The following NNT variants were observed in gnomAD, a reference collection of about 807,000 sequenced individuals.
NNT encodes the protein nicotinamide nucleotide transhydrogenase, also known as NAD(P) transhydrogenase, mitochondrial.
Under a neutral mutation model 104.8 loss-of-function variants are expected in NNT, and 50 were observed. The observed-to-expected ratio is 0.48, with a 90% confidence interval of 0.38 to 0.60. The LOEUF is 0.60. Among genes scored for constraint, NNT ranks in the 20% least tolerant of loss-of-function variants. The probability of loss-of-function intolerance (pLI) is 0.00; values close to 1 mark genes in which losing one functional copy is unlikely to be tolerated. For synonymous variants in NNT, 461 were observed against 490.4 expected (o/e 0.94, Z 0.79); for missense variants, 1,131 against 1,330.7 (o/e 0.85, Z 2.33).
At chr5:43,657,839 A>G (rs531192537) in intron 16 of NNT, among the ~76,000 whole-genome samples, 1 of 152,346 alleles carries the variant, frequency 6.6e-6, no homozygotes, top group African/African-American at 2.4e-5. Flanking sequence ...TCAAAATAAA[A>G]GATATACAAA....
intron 1 of NNT, among the ~76,000 whole-genome samples, chr5:43,606,278 T>C (rs1446620703): frequency 2.0e-5 from 3 of 151,890 alleles, no homozygotes; most frequent in African/African-American, 4.8e-5. Flanking sequence ...GGGATAGGAG[T>C]AGGTCACTCA....
At position 43,705,217 on chromosome 5, in the gene NNT, A is replaced by C. The variant is rs1488452961; in HGVS notation, c.*813A>C. ...AATTCAACATTTGACTAATAAAATG[A>C]GTTCATCATGTTGGCAAGTGATGTG... On this transcript the variant is annotated 3_prime_UTR_variant, in exon 22 of 22. Transcript: ENST00000344920. 4 of 152,204 alleles carry C rather than the reference A, an allele frequency of 2.6e-5. No individual in the cohort carries two copies. The highest frequency in any genetic ancestry group is 5.9e-5 in the Non-Finnish European group (4 of 68,004). 9.4% of individuals were successfully genotyped at this position (152,204 alleles called of 1,614,324 possible). A position where few individuals can be genotyped will look rare whatever the true frequency, so the allele number is the denominator to read the frequency against.
intron 17 of NNT, among the ~76,000 whole-genome samples, chr5:43,673,439 G>T (rs951387460): frequency 1.3e-5 from 2 of 152,044 alleles, no homozygotes; most frequent in African/African-American, 4.8e-5. Context: ...ATCCTCACTG[G>T]ACTCTTTTTT....
chr5:43,620,528 C>T (rs555719099), intron 5 of NNT, among the ~76,000 whole-genome samples: 1 of 152,132 alleles, frequency 6.6e-6, no homozygotes, highest in East Asian at 1.9e-4. Context: ...CTGCTTCCTG[C>T]TCTTAAGTAC....
In NNT at chr5:43,645,912, A is replaced by T. The variant is rs189320931; in HGVS notation, c.1444+402A>T. On this transcript the variant is annotated intron_variant, in intron 10 of 21. Transcript: ENST00000344920. Reference sequence around the variant, plus strand: ...GTATTTTTAGTAGAGACGGGGTTTCACTGTGTTAACCAGGATGGTCTCGAT... The same window carrying T: ...GTATTTTTAGTAGAGACGGGGTTTCTCTGTGTTAACCAGGATGGTCTCGAT... 3.5e-3 allele frequency among the ~76,000 whole-genome samples: 533 copies of T among 151,158 alleles called. 2 individuals carry two copies. The highest frequency in any genetic ancestry group is 0.013 in the African/African-American group (522 of 41,162).
At position 43,702,708 on chromosome 5, in the gene NNT, C is replaced by T; in HGVS notation, c.3083C>T (p.Pro1028Leu). The change falls in exon 21 of 22, where the codon CCA (proline) becomes CTA (leucine). Residue 1028 changes from proline to leucine, a missense_variant. Transcript: ENST00000344920. ...EDPNSIIAGM[P>L]VLEVWKSKQV... The stretch of plus-strand genomic sequence containing the variant: ...CCCAACTCTATTATTGCAGGCATGC[C>T]AGTCCTTGAGGTCTGGAAATCAAAG... 2 of 1,612,454 alleles carry T rather than the reference C, an allele frequency of 1.2e-6. No individual in the cohort carries two copies. The highest frequency in any genetic ancestry group is 2.2e-5 in the East Asian group (1 of 44,820).
intron 7 of NNT, among the ~76,000 whole-genome samples, chr5:43,631,382 C>T (rs931253548): frequency 6.6e-6 from 1 of 152,190 alleles, no homozygotes; most frequent in African/African-American, 2.4e-5. Flanking sequence ...GGCAGTGGCT[C>T]CTGGCTCAGC....
chr5:43,642,614 G>T (rs531402808), intron 7 of NNT, among the ~76,000 whole-genome samples: 1 of 152,158 alleles, frequency 6.6e-6, no homozygotes, highest in Non-Finnish European at 1.5e-5. Context: ...GCCCAGTGTG[G>T]CTGAAATAGA....
intron 21 of NNT, 28 bp from the exon 22 acceptor site, chr5:43,704,227 A>C (rs749656684): frequency 6.5e-7 from 1 of 1,527,212 alleles, no homozygotes. Flanking sequence ...TGTTAAATAC[A>C]CTCTCTCATT....
rs548290410 is a variant in NNT, at chr5:43,657,919, G to C, written c.2454+1106G>C. On this transcript the variant is annotated intron_variant, in intron 16 of 21. Coordinates refer to ENST00000344920, the MANE Select transcript of NNT (RefSeq NM_182977.3). Reference sequence around the variant, plus strand: ...GGAGGCCGAGGTGGGTGGATCACCTGAGGTCAGGAGTTTGTGACTAGCCTG... The same window carrying C: ...GGAGGCCGAGGTGGGTGGATCACCTCAGGTCAGGAGTTTGTGACTAGCCTG... Among the ~76,000 whole-genome samples the C allele has an allele frequency of 1.2e-4, 19 of 152,266 alleles. No individual in the cohort carries two copies. The East Asian group carries it at 3.7e-3, about 29-fold the overall frequency.
intron 3 of NNT, 26 bp from the exon 4 acceptor site, chr5:43,615,822 A>C: frequency 3.9e-6 from 6 of 1,528,520 alleles, no homozygotes; most frequent in Non-Finnish European, 5.3e-6. Context: ...TTATATTTAT[A>C]ATCTGTGACT....
At chr5:43,631,486 T>A (rs1355169808) in intron 7 of NNT, among the ~76,000 whole-genome samples, 1 of 152,094 alleles carries the variant, frequency 6.6e-6, no homozygotes, top group South Asian at 2.1e-4. Context: ...GCGGGGAAGT[T>A]ATGAGAGGAT....
chr5:43,679,671 A>G (rs2112121272), intron 19 of NNT, among the ~76,000 whole-genome samples: 1 of 152,340 alleles, frequency 6.6e-6, no homozygotes, highest in Non-Finnish European at 1.5e-5. Context: ...GATATAAACT[A>G]CTGTTGTAGG....
intron 5 of NNT, among the ~76,000 whole-genome samples, chr5:43,621,285 G>T (rs1435563819): frequency 1.3e-5 from 2 of 152,176 alleles, no homozygotes; most frequent in African/African-American, 4.8e-5. Flanking sequence ...ATCAGCAATT[G>T]TTGGTGTTAG....
intron 7 of NNT, among the ~76,000 whole-genome samples, chr5:43,633,397 A>T (rs1482061684): frequency 1.3e-5 from 2 of 152,180 alleles, no homozygotes; most frequent in African/African-American, 4.8e-5. Context: ...GGGCCAAGAT[A>T]CTTTTTTGCC....
intron 17 of NNT, among the ~76,000 whole-genome samples, chr5:43,668,475 T>A (rs1295370972): frequency 6.6e-6 from 1 of 152,214 alleles, no homozygotes; most frequent in Non-Finnish European, 1.5e-5. Flanking sequence ...AAGGAAGGGA[T>A]CCAATTTCAG....
chr5:43,644,100 T>C, intron 7 of NNT, 92 bp from the exon 8 acceptor site: 1 of 1,229,140 alleles, frequency 8.1e-7, no homozygotes, highest in Non-Finnish European at 1.1e-6. Context: ...AGATGTTAAA[T>C]TCCTGAATGC....
intron 5 of NNT, 41 bp from the exon 6 acceptor site, chr5:43,623,991 T>A (rs758794801): frequency 6.4e-7 from 1 of 1,555,180 alleles, no homozygotes; most frequent in Non-Finnish European, 8.9e-7. Context: ...TCATTATTAG[T>A]TGATAATGAG....
At chr5:43,685,575 G>T (rs192787009) in intron 19 of NNT, among the ~76,000 whole-genome samples, 54 of 152,270 alleles carry the variant, frequency 3.5e-4, no homozygotes, top group Non-Finnish European at 6.3e-4. Context: ...AGTTTAGAAA[G>T]GGGCCCAATT....
Sources: gnomAD v4.1 joint callset for allele counts (sites outside exome capture counted in the v4.1 genomes callset) on GRCh38, gnomAD v4.1.1 for gene constraint, MANE v1.5 for transcripts, NCBI Gene and HGNC (gene_info 2026-07-23, HGNC 2026-07-21) for gene names.